The following TENM3 variants were observed in gnomAD, a reference collection of about 807,000 sequenced individuals.
TENM3 encodes teneurin transmembrane protein 3, also known as teneurin-3.
A neutral mutation model predicts 255.1 loss-of-function variants in TENM3; 63 were observed. That is an observed-to-expected ratio of 0.25 (90% CI 0.20 to 0.30). The LOEUF is 0.30. Ranked by LOEUF, TENM3 falls within the 10% of genes least tolerant of loss-of-function variation. The pLI is 1.00. For synonymous variants in TENM3, 1,306 were observed against 1,322.3 expected, an observed-to-expected ratio of 0.99 and a Z score of 0.27; for missense variants, 2,929 against 3,461.1, an observed-to-expected ratio of 0.85 and a Z score of 3.86.
At chr4:182,032,216 G>A in the TENM3 span, among the ~76,000 whole-genome samples, 1 of 152,022 alleles carries the variant, frequency 6.6e-6, no homozygotes, top group East Asian at 1.9e-4. Flanking sequence ...ACTATTTGGA[G>A]GTATGTTACT....
the TENM3 span, among the ~76,000 whole-genome samples, chr4:181,628,227 A>C: frequency 6.6e-6 from 1 of 151,944 alleles, no homozygotes; most frequent in Non-Finnish European, 1.5e-5. Context: ...TAGATTCTGG[A>C]TATTAGCCCT....
chr4:181,526,523 A>G, the TENM3 span, among the ~76,000 whole-genome samples: 1 of 152,126 alleles, frequency 6.6e-6, no homozygotes, highest in Non-Finnish European at 1.5e-5. Context: ...GTTTTGCTCA[A>G]TTGTCATTGA....
chr4:182,486,738 G>T (rs1171888365), intron 3 of TENM3, among the ~76,000 whole-genome samples: 1 of 152,116 alleles, frequency 6.6e-6, no homozygotes, highest in East Asian at 1.9e-4. Flanking sequence ...TCAGACAAGG[G>T]CATGAGGGTG....
chr4:181,650,570 C>T, the TENM3 span, among the ~76,000 whole-genome samples: 44 of 152,254 alleles, frequency 2.9e-4, no homozygotes, highest in South Asian at 8.7e-3. Flanking sequence ...TTCCTTGTCA[C>T]CTGTAATTCT....
At chr4:182,496,731 C>G (rs1735806440) in intron 3 of TENM3, among the ~76,000 whole-genome samples, 1 of 152,144 alleles carries the variant, frequency 6.6e-6, no homozygotes, top group Admixed American at 6.5e-5. Flanking sequence ...AGAACAGCTC[C>G]TGCTGAGTGT....
chr4:182,735,490 T>G (rs1409442837), intron 16 of TENM3, among the ~76,000 whole-genome samples: 2 of 152,218 alleles, frequency 1.3e-5, no homozygotes, highest in African/African-American at 4.8e-5. Flanking sequence ...ACATCATCTT[T>G]AACTGTTCTA....
chr4:181,583,857 A>G, the TENM3 span, among the ~76,000 whole-genome samples: 1 of 152,206 alleles, frequency 6.6e-6, no homozygotes, highest in Non-Finnish European at 1.5e-5. Flanking sequence ...TTTAGAATCA[A>G]ATTTTGTTCT....
chr4:181,804,292 A>G, the TENM3 span, among the ~76,000 whole-genome samples: 2 of 152,238 alleles, frequency 1.3e-5, no homozygotes, highest in African/African-American at 4.8e-5. Flanking sequence ...TATTGTAAAA[A>G]TAAAATACTG....
At chr4:182,651,266 A>G (rs1327606104) in intron 5 of TENM3, among the ~76,000 whole-genome samples, 1 of 152,238 alleles carries the variant, frequency 6.6e-6, no homozygotes, top group Non-Finnish European at 1.5e-5. Context: ...TGAAAAATGT[A>G]TGATGTGATA....
chr4:181,737,648 T>C, the TENM3 span, among the ~76,000 whole-genome samples: 4 of 152,068 alleles, frequency 2.6e-5, no homozygotes, highest in African/African-American at 9.7e-5. Context: ...CCTCAGTCTA[T>C]CATAAAGATA....
At chr4:181,458,004 A>T in the TENM3 span, among the ~76,000 whole-genome samples, 1 of 151,894 alleles carries the variant, frequency 6.6e-6, no homozygotes, top group African/African-American at 2.4e-5. Flanking sequence ...TATGTGTTTT[A>T]CATACTTGTC....
At chr4:182,743,075 G>A in intron 18 of TENM3, 95 bp from the exon 19 acceptor site, 1 of 1,301,382 alleles carries the variant, frequency 7.7e-7, no homozygotes, top group Non-Finnish European at 1.0e-6. Flanking sequence ...GACCTGACAG[G>A]CATTGAATTA....
chr4:182,435,473 C>G (rs1048692358), intron 3 of TENM3, among the ~76,000 whole-genome samples: 1 of 152,148 alleles, frequency 6.6e-6, no homozygotes, highest in East Asian at 1.9e-4. Context: ...GGATCCTAGC[C>G]TATAGACCCA....
the TENM3 span, among the ~76,000 whole-genome samples, chr4:181,515,998 T>C: frequency 6.6e-6 from 1 of 152,308 alleles, no homozygotes; most frequent in African/African-American, 2.4e-5. Flanking sequence ...ATATGCATCA[T>C]GGAATACTAT....
At chr4:181,986,585 G>T in the TENM3 span, among the ~76,000 whole-genome samples, 1 of 151,984 alleles carries the variant, frequency 6.6e-6, no homozygotes, top group African/African-American at 2.4e-5. Context: ...AACTTCCACT[G>T]CTCATACCTA....
chr4:181,789,934 A>G, the TENM3 span, among the ~76,000 whole-genome samples: 10 of 152,110 alleles, frequency 6.6e-5, no homozygotes, highest in Non-Finnish European at 1.5e-4. Flanking sequence ...ATTATGCCAA[A>G]CCAGTCAATT....
At chr4:182,714,571 A>G (rs1477079753) in intron 13 of TENM3, among the ~76,000 whole-genome samples, 1 of 152,208 alleles carries the variant, frequency 6.6e-6, no homozygotes, top group African/African-American at 2.4e-5. Context: ...CCAAAGCAGT[A>G]TTTTAATAAC....
At chr4:182,393,865 A>G (rs1224876627) in intron 3 of TENM3, among the ~76,000 whole-genome samples, 1 of 152,202 alleles carries the variant, frequency 6.6e-6, no homozygotes, top group Admixed American at 6.5e-5. Flanking sequence ...TCTCAAAACT[A>G]TTGAGAAACT....
the TENM3 span, among the ~76,000 whole-genome samples, chr4:181,931,398 G>T: frequency 6.6e-6 from 1 of 152,254 alleles, no homozygotes; most frequent in East Asian, 1.9e-4. Context: ...CAAATAGTGA[G>T]TGAACTCCCA....
Sources: allele counts gnomAD v4.1 joint callset (sites outside exome capture counted in the v4.1 genomes callset), GRCh38; gene constraint gnomAD v4.1.1; transcripts MANE v1.5; gene names NCBI Gene and HGNC (gene_info 2026-07-23, HGNC 2026-07-21).